The following CDH4 variants were observed in gnomAD, a reference collection of about 807,000 sequenced individuals.
The protein encoded by CDH4 is cadherin-4.
Under a neutral mutation model 86.0 loss-of-function variants are expected in CDH4, and 33 were observed. The ratio of observed to expected loss-of-function variants is 0.38; its 90% CI spans 0.29 to 0.51. The LOEUF (loss-of-function observed/expected upper bound fraction) is 0.51, where lower values mean the gene tolerates loss of function less well. Ranked by LOEUF, CDH4 falls within the 20% of genes least tolerant of loss-of-function variation. CDH4 has a pLI of 0.86. For synonymous variants in CDH4, 555 were observed against 549.4 expected, an observed-to-expected ratio of 1.01 and a Z score of -0.14; for missense variants, 1,114 against 1,307.4, an observed-to-expected ratio of 0.85 and a Z score of 2.28.
chr20:61,804,440 A>G (rs1980015507), intron 4 of CDH4, among the ~76,000 whole-genome samples: 1 of 152,098 alleles, frequency 6.6e-6, no homozygotes, highest in African/African-American at 2.4e-5. Flanking sequence ...GGCCTCACCC[A>G]CTGCTGGCCA....
At chr20:61,519,703 G>A (rs547877991) in intron 2 of CDH4, among the ~76,000 whole-genome samples, 98 of 152,336 alleles carry the variant, frequency 6.4e-4, no homozygotes, top group African/African-American at 2.2e-3. Flanking sequence ...CTATTCTTTC[G>A]TTGTTCCTTA....
At position 61,516,142 on chromosome 20, in the gene CDH4, G is replaced by A. The variant is rs182216334; in HGVS notation, c.170-227421G>A. Among the ~76,000 whole-genome samples the A allele has an allele frequency of 3.8e-3, 586 of 152,316 alleles. 4 individuals are homozygous for A. The highest frequency in any genetic ancestry group is 0.013 in the African/African-American group (556 of 41,566). ...GAGGGGCAGCACAGGACTTAATTCT[G>A]CAGCCAGGCCCTTGGGCCGTGGGCC... On this transcript the variant is annotated intron_variant, in intron 2 of 15. Transcript: ENST00000614565. The surrounding 1 kb of genome is among the most constrained non-coding windows in gnomAD (Gnocchi z 4.0).
intron 2 of CDH4, among the ~76,000 whole-genome samples, chr20:61,732,125 C>T (rs911819768): frequency 1.3e-5 from 2 of 152,196 alleles, no homozygotes; most frequent in South Asian, 2.1e-4. Flanking sequence ...CAAAGTGGCT[C>T]GAGTGCATTA....
intron 2 of CDH4, among the ~76,000 whole-genome samples, chr20:61,396,975 A>C (rs1416039990): frequency 6.6e-6 from 1 of 152,098 alleles, no homozygotes; most frequent in East Asian, 1.9e-4. Context: ...CAGTGACATA[A>C]TAACAGCTCA....
intron 2 of CDH4, among the ~76,000 whole-genome samples, chr20:61,735,251 A>G (rs2088248168): frequency 6.6e-6 from 1 of 152,188 alleles, no homozygotes; most frequent in South Asian, 2.1e-4. Flanking sequence ...AGCAGCTGGA[A>G]TTAGGGACCC....
chr20:61,313,880 G>A (rs2123228182), intron 2 of CDH4, among the ~76,000 whole-genome samples: 1 of 152,232 alleles, frequency 6.6e-6, no homozygotes, highest in South Asian at 2.1e-4. Context: ...AGGACTACAG[G>A]TGCACACCAC....
chr20:61,844,808 G>T lies in CDH4; in HGVS notation c.717G>T (p.Glu239Asp). The T allele has an allele frequency of 6.2e-7, 1 of 1,612,720 alleles. No homozygotes were observed. The highest frequency in any genetic ancestry group is 8.5e-7 in the Non-Finnish European group (1 of 1,179,144). Residue 239 changes from glutamate (E) to aspartate (D), a missense_variant, in exon 5 of 16, where the codon GAG (glutamate) becomes GAT (aspartate). Transcript: ENST00000614565. ...TCACAAGGCCCATGGACCGGGAGGA[G>T]CACGCCTCTTACCACGTGAGTGTCC... ...MYVTRPMDREEHASYHLRAHA... is the reference protein window; with the variant it reads ...MYVTRPMDREDHASYHLRAHA...
chr20:61,644,909 T>C (rs988285117), intron 2 of CDH4, among the ~76,000 whole-genome samples: 2 of 151,858 alleles, frequency 1.3e-5, no homozygotes, highest in Admixed American at 1.3e-4. Context: ...GAGGAGTCGC[T>C]GAGTCGTGCG....
chr20:61,459,813 C>T (rs1021726271), intron 2 of CDH4, among the ~76,000 whole-genome samples: 7 of 152,000 alleles, frequency 4.6e-5, no homozygotes, highest in Non-Finnish European at 1.0e-4. Flanking sequence ...CGCTTCGCAG[C>T]CCGAGTTAAG....
chr20:61,731,109 C>T (rs926025548), intron 2 of CDH4, among the ~76,000 whole-genome samples: 11 of 152,032 alleles, frequency 7.2e-5, no homozygotes, highest in Non-Finnish European at 1.0e-4. Flanking sequence ...TGTCCTGGGG[C>T]CCATCACGGC....
In CDH4 at chr20:61,390,549, A is replaced by G. The variant is rs58870736; in HGVS notation, c.169+135612A>G. Among the ~76,000 whole-genome samples the G allele has an allele frequency of 8.9e-4, 96 of 107,352 alleles. 2 individuals carry two copies. Among genetic ancestry groups the G allele is most frequent in the Non-Finnish European group, 1.3e-3 (68 of 52,568 alleles). The allele number at this position is 107,352 out of a possible 152,430, so 70.4% of individuals were successfully genotyped here. A position where few individuals can be genotyped will look rare whatever the true frequency, so the allele number is the denominator to read the frequency against. The stretch of plus-strand genomic sequence containing the variant: ...ACGGTCATAGGGTGCCCATAGCGCC[A>G]TGTCTAGGAAACCCCGATTGGGTTC... On this transcript the variant is annotated intron_variant, in intron 2 of 15. Coordinates refer to ENST00000614565, the MANE Select transcript of CDH4 (RefSeq NM_001794.5).
chr20:61,419,873 CA>C (rs1462756893), intron 2 of CDH4, among the ~76,000 whole-genome samples: 2 of 152,226 alleles, frequency 1.3e-5, no homozygotes, highest in Non-Finnish European at 2.9e-5. Context: ...TCACAGCCAT[CA>C]TCAGAATTGA....
intron 6 of CDH4, among the ~76,000 whole-genome samples, chr20:61,858,608 C>T (rs760881276): frequency 1.9e-4 from 29 of 152,252 alleles, no homozygotes; most frequent in Admixed American, 3.3e-4. Flanking sequence ...GTGGCAACCA[C>T]GACTCTATTT....
chr20:61,390,355 T>G (rs2084976004), intron 2 of CDH4, among the ~76,000 whole-genome samples: 3 of 127,572 alleles, frequency 2.4e-5, no homozygotes, highest in African/African-American at 1.0e-4. Flanking sequence ...GAAACCCCGA[T>G]TGGGTTCGTA....
intron 2 of CDH4, among the ~76,000 whole-genome samples, chr20:61,450,871 C>G (rs1435738503): frequency 6.6e-6 from 1 of 151,344 alleles, no homozygotes; most frequent in Non-Finnish European, 1.5e-5. Flanking sequence ...ACCCAGTGTC[C>G]TGACAACAGT....
Position 61,754,085 on chromosome 20 carries a change from A to G in CDH4, c.396+10296A>G, listed in dbSNP as rs1432230019. On this transcript the variant is annotated intron_variant, in intron 3 of 15. Transcript: ENST00000614565. This position sits in a 1 kb window ranked among gnomAD's most constrained non-coding sequence, Gnocchi z 4.7. ...GGGATGCCTTCAAAAGCCAAGGATCAGGGAAGATTGTGGCACCACCAGGAG... is the reference window on the plus strand; with the variant it reads ...GGGATGCCTTCAAAAGCCAAGGATCGGGGAAGATTGTGGCACCACCAGGAG... Among the ~76,000 whole-genome samples the G allele has an allele frequency of 6.6e-6, 1 of 152,178 alleles. No individual in the cohort carries two copies. Among genetic ancestry groups the G allele is most frequent in the Non-Finnish European group, 1.5e-5 (1 of 68,014 alleles).
intron 2 of CDH4, among the ~76,000 whole-genome samples, chr20:61,531,747 A>T (rs2085956168): frequency 2.0e-5 from 3 of 152,284 alleles, no homozygotes; most frequent in African/African-American, 7.2e-5. Flanking sequence ...TGGCTTTGAG[A>T]TGAGGCCGGG....
intron 5 of CDH4, among the ~76,000 whole-genome samples, chr20:61,851,014 C>T (rs1182867101): frequency 6.6e-6 from 1 of 152,228 alleles, no homozygotes; most frequent in Non-Finnish European, 1.5e-5. Context: ...ATTACTTTTC[C>T]CCCGAGGCCC....
chr20:61,690,568 C>T (rs1434938618), intron 2 of CDH4, among the ~76,000 whole-genome samples: 1 of 152,114 alleles, frequency 6.6e-6, no homozygotes, highest in Non-Finnish European at 1.5e-5. Context: ...TGAAGAGCCT[C>T]CTGGAGCAGG....
Sources: gnomAD v4.1 joint callset for allele counts (sites outside exome capture counted in the v4.1 genomes callset) on GRCh38, gnomAD v4.1.1 for gene constraint, Gnocchi (gnomAD v3.1) non-coding constraint, MANE v1.5 for transcripts, NCBI Gene and HGNC (gene_info 2026-07-23, HGNC 2026-07-21) for gene names.